The following UCHL5 variants were observed in gnomAD, a reference collection of about 807,000 sequenced individuals.
UCHL5 encodes ubiquitin C-terminal hydrolase L5.
Under a neutral mutation model 53.8 loss-of-function variants are expected in UCHL5, and 34 were observed. The ratio of observed to expected loss-of-function variants is 0.63; its 90% confidence interval spans 0.48 to 0.84. The LOEUF (loss-of-function observed/expected upper bound fraction) is 0.84, where lower values mean the gene tolerates loss of function less well. UCHL5 is among the 40% of genes least tolerant of loss of function. UCHL5 has a pLI of 0.00. For missense variants in UCHL5, 290 were observed against 385.6 expected, an observed-to-expected ratio of 0.75 and a Z score of 2.08; for synonymous variants, 111 against 126.3, an observed-to-expected ratio of 0.88 and a Z score of 0.81.
intron 7 of UCHL5, 97 bp downstream of exon 7, chr1:193,027,988 A>T: frequency 6.4e-7 from 1 of 1,558,514 alleles, no homozygotes; most frequent in Non-Finnish European, 8.6e-7. Flanking sequence ...AAAAAAGTAG[A>T]TGTTCAATGC....
At chr1:193,029,808 C>G (rs1660702389) in intron 3 of UCHL5, 151 bp from the exon 4 acceptor site, 2 of 689,702 alleles carry the variant, frequency 2.9e-6, no homozygotes, top group East Asian at 3.3e-5. Flanking sequence ...AATTTCTATC[C>G]TAATCTATTT....
chr1:193,023,230 A>C (rs1041737046), intron 8 of UCHL5, among the ~76,000 whole-genome samples, 194 bp from the exon 9 acceptor site: 3 of 152,212 alleles, frequency 2.0e-5, no homozygotes, highest in African/African-American at 7.2e-5. Flanking sequence ...ATGTTCTAAT[A>C]ATACGAATTT....
intron 3 of UCHL5, among the ~76,000 whole-genome samples, chr1:193,031,745 G>C (rs1012180266): frequency 2.6e-5 from 4 of 152,130 alleles, no homozygotes; most frequent in African/African-American, 7.2e-5. Context: ...GAATAAGAAA[G>C]ATGTGGTCCT....
chr1:193,029,412 C>T lies in UCHL5; in HGVS notation c.410G>A (p.Arg137Gln). The T allele has an allele frequency of 1.2e-6, 2 of 1,613,628 alleles. No individual in the cohort carries two copies. Among genetic ancestry groups the T allele is most frequent in the Non-Finnish European group, 8.5e-7 (1 of 1,179,824 alleles). ...CCTGGCGAAACTGTTGTGTACTTGT[C>T]GAATCACATCTGAATTGCTCAGTGC... ...GLALSNSDVIRQVHNSFARQQ... is the reference protein window; with the variant it reads ...GLALSNSDVIQQVHNSFARQQ... The change falls in exon 5 of 11, where the codon CGA becomes CAA. Residue 137 changes from arginine to glutamine, a missense_variant. Coordinates refer to ENST00000367454, the MANE Select transcript of UCHL5 (RefSeq NM_001199261.3).
intron 3 of UCHL5, among the ~76,000 whole-genome samples, chr1:193,033,519 A>AATAT (rs113745249): frequency 6.6e-6 from 1 of 150,936 alleles, no homozygotes; most frequent in Non-Finnish European, 1.5e-5. Context: ...TAAAGTATAC[A>AATAT]ATATATATAT....
intron 4 of UCHL5, 27 bp downstream of exon 4, chr1:193,029,505 T>G (rs1660590724): frequency 1.2e-6 from 2 of 1,612,730 alleles, no homozygotes; most frequent in South Asian, 1.1e-5. Flanking sequence ...AAATATGACA[T>G]TTTAGGAATA....
At chr1:193,039,403 T>C (rs1003880411) in intron 3 of UCHL5, among the ~76,000 whole-genome samples, 3 of 151,954 alleles carry the variant, frequency 2.0e-5, no homozygotes, top group African/African-American at 7.2e-5. Context: ...AGTGAGACTA[T>C]GTCTCAAAAA....
intron 3 of UCHL5, 135 bp from the exon 4 acceptor site, chr1:193,029,792 A>C: frequency 1.4e-6 from 1 of 730,570 alleles, no homozygotes; most frequent in Non-Finnish European, 2.1e-6. Context: ...CAGAATAAAT[A>C]TGTTTAATTT....
At chr1:193,034,688 A>T (rs970021656) in intron 3 of UCHL5, among the ~76,000 whole-genome samples, 1 of 152,060 alleles carries the variant, frequency 6.6e-6, no homozygotes, top group Admixed American at 6.6e-5. Flanking sequence ...AAATGCAAAA[A>T]CCTAAACAAA....
At chr1:193,023,699 G>A (rs1415562299) in intron 8 of UCHL5, 145 bp downstream of exon 8, 3 of 631,318 alleles carry the variant, frequency 4.8e-6, no homozygotes, top group Non-Finnish European at 8.1e-6. Context: ...TGCAAAGCCA[G>A]GAACCGAATC....
intron 7 of UCHL5, among the ~76,000 whole-genome samples, chr1:193,025,676 G>C (rs1658922643): frequency 6.6e-6 from 1 of 152,100 alleles, no homozygotes; most frequent in Non-Finnish European, 1.5e-5. Context: ...ACTCCCACCT[G>C]GTGTAATGAG....
At chr1:193,043,904 T>C (rs1666533797) in intron 3 of UCHL5, among the ~76,000 whole-genome samples, 1 of 152,226 alleles carries the variant, frequency 6.6e-6, no homozygotes, top group Non-Finnish European at 1.5e-5. Context: ...CTACCCCATG[T>C]GGCTCTTCCC....
chr1:193,034,144 G>A (rs1662517702), intron 3 of UCHL5, among the ~76,000 whole-genome samples: 1 of 152,006 alleles, frequency 6.6e-6, no homozygotes, highest in Non-Finnish European at 1.5e-5. Flanking sequence ...GCGGCTAAAA[G>A]GAGAAATAAG....
chr1:193,021,962 T>G (rs1378897450), intron 9 of UCHL5, among the ~76,000 whole-genome samples: 1 of 152,170 alleles, frequency 6.6e-6, no homozygotes, highest in Admixed American at 6.6e-5. Context: ...TATGGAAACT[T>G]TGTGTTGTAT....
At chr1:193,052,791 A>G (rs544885443) in intron 1 of UCHL5, among the ~76,000 whole-genome samples, 1 of 152,276 alleles carries the variant, frequency 6.6e-6, no homozygotes, top group South Asian at 2.1e-4. Flanking sequence ...ACAAAAATCA[A>G]CCGTATTTAC....
chr1:193,021,165 G>C lies in UCHL5; in HGVS notation c.874C>G (p.Leu292Val). 1 of 1,609,116 alleles carries C rather than the reference G, an allele frequency of 6.2e-7. No individual in the cohort carries two copies. The highest frequency in any genetic ancestry group is 8.5e-7 in the Non-Finnish European group (1 of 1,176,900). ...TTTAACAATTCCATAATGAAAGGCA[G>C]ATAATTATGCTTCCTTCTGATATTC... ...IENIRRKHNY[L>V]PFIMELLKTL... is the part of the protein sequence containing the mutation. The change falls in exon 10 of 11, where the codon CTG (leucine) becomes GTG (valine). Residue 292 changes from leucine (L) to valine (V), a missense_variant. Transcript: ENST00000367454.
chr1:193,044,272 C>T (rs1666669805), intron 3 of UCHL5, among the ~76,000 whole-genome samples: 1 of 152,136 alleles, frequency 6.6e-6, no homozygotes, highest in Non-Finnish European at 1.5e-5. Flanking sequence ...CTTTTTCATT[C>T]TCCAAGCACC....
At chr1:193,025,614 C>G (rs776288707) in intron 7 of UCHL5, among the ~76,000 whole-genome samples, 4 of 152,262 alleles carry the variant, frequency 2.6e-5, no homozygotes, top group South Asian at 2.1e-4. Context: ...TAACAAGGAG[C>G]CTTATTCCAT....
In UCHL5 at chr1:193,036,639, T is replaced by G. The variant is rs1018017869; in HGVS notation, c.247-6982A>C. Among the ~76,000 whole-genome samples the G allele has an allele frequency of 3.3e-5, 5 of 152,124 alleles. No individual in the cohort carries two copies. In the East Asian group the frequency reaches 9.7e-4, roughly 29 times the overall value. On this transcript the variant is annotated intron_variant, in intron 3 of 10. Transcript: ENST00000367454. ...CTAAACCAAATAAACCTAACTGACATTTACAGAACATTTCACCCAACTGCT... is the reference window on the plus strand; with the variant it reads ...CTAAACCAAATAAACCTAACTGACAGTTACAGAACATTTCACCCAACTGCT...
Sources: gnomAD v4.1 joint callset for allele counts (sites outside exome capture counted in the v4.1 genomes callset) on GRCh38, gnomAD v4.1.1 for gene constraint, MANE v1.5 for transcripts, NCBI Gene and HGNC (gene_info 2026-07-23, HGNC 2026-07-21) for gene names.